Variants in PRDM6 observed in about 807,000 individuals in gnomAD.
PRDM6 encodes the protein putative histone-lysine N-methyltransferase PRDM6.
A neutral mutation model predicts 60.8 loss-of-function variants in PRDM6; 25 were observed. The ratio of observed to expected loss-of-function variants is 0.41; its 90% confidence interval spans 0.30 to 0.57. The LOEUF (loss-of-function observed/expected upper bound fraction) is 0.57. PRDM6 is among the 20% of genes least tolerant of loss of function. PRDM6 has a pLI of 0.27. For missense variants in PRDM6, 839 were observed against 821.3 expected (o/e 1.02, Z -0.26); for synonymous variants, 407 against 357.4 (o/e 1.14, Z -1.57).
intron 3 of PRDM6, among the ~76,000 whole-genome samples, chr5:123,144,304 T>G (rs1488598979): frequency 6.6e-6 from 1 of 152,246 alleles, no homozygotes; most frequent in African/African-American, 2.4e-5. Context: ...TCCCCCATAG[T>G]GGATGACTTC....
At chr5:123,155,809 A>AGACACCAATAAATTTCTGCAGCT in intron 3 of PRDM6, 75 bp from the exon 4 acceptor site, 1 of 1,497,266 alleles carries the variant, frequency 6.7e-7, no homozygotes, top group Non-Finnish European at 8.9e-7. Context: ...TGACACATAA[A>AGACACCAATAAATTTCTGCAGCT]GACACCAAGG....
At chr5:123,172,856 T>C (rs895760717) in intron 6 of PRDM6, among the ~76,000 whole-genome samples, 1 of 152,216 alleles carries the variant, frequency 6.6e-6, no homozygotes, top group Non-Finnish European at 1.5e-5. Flanking sequence ...AGGTAGATAC[T>C]GAAACAGACT....
chr5:123,139,217 A>G (rs1765043245), intron 3 of PRDM6, among the ~76,000 whole-genome samples: 1 of 152,216 alleles, frequency 6.6e-6, no homozygotes, highest in Non-Finnish European at 1.5e-5. Flanking sequence ...GCAGCGTGAA[A>G]ACAGACTAAT....
In PRDM6 at chr5:123,121,984, A is replaced by C. The variant is rs1439249358; in HGVS notation, c.900+22023A>C. Among the ~76,000 whole-genome samples, 4 of 151,494 alleles carry C rather than the reference A, an allele frequency of 2.6e-5. 1 individual carries two copies. Among genetic ancestry groups the C allele is most frequent in the African/African-American group, 9.7e-5 (4 of 41,332 alleles). ...CGAGACCAGCCTGGCCAACACAGGGAGACCCCGTCTCTACTAAAAATAGGA... is the reference window on the plus strand; with the variant it reads ...CGAGACCAGCCTGGCCAACACAGGGCGACCCCGTCTCTACTAAAAATAGGA... On this transcript the variant is annotated intron_variant, in intron 3 of 7. Coordinates refer to ENST00000407847, the MANE Select transcript of PRDM6 (RefSeq NM_001136239.4).
rs986884448 is a variant in PRDM6, at chr5:123,191,939, T to C, written c.*4738T>C. ...CTGTGTTTGACATTTAAAATATTTATTTAGTTTCTTCCTTTAAATAATAAA... is the reference window on the plus strand; with the variant it reads ...CTGTGTTTGACATTTAAAATATTTACTTAGTTTCTTCCTTTAAATAATAAA... On this transcript the variant is annotated 3_prime_UTR_variant, in exon 8 of 8. Coordinates refer to ENST00000407847, the MANE Select transcript of PRDM6 (RefSeq NM_001136239.4). 4 of 152,238 alleles carry C rather than the reference T, an allele frequency of 2.6e-5. No homozygotes were observed. The highest frequency in any genetic ancestry group is 5.9e-5 in the Non-Finnish European group (4 of 68,038). 9.4% of individuals were successfully genotyped at this position (152,238 alleles called of 1,614,324 possible). A position where few individuals can be genotyped will look rare whatever the true frequency, so the allele number is the denominator to read the frequency against.
Position 123,099,694 on chromosome 5 carries a change from T to C in PRDM6, c.633T>C (p.Pro211=). The C allele has an allele frequency of 4.6e-6, 7 of 1,507,150 alleles. No homozygotes were observed. Among genetic ancestry groups the C allele is most frequent in the Non-Finnish European group, 6.2e-6 (7 of 1,127,508 alleles). 93.4% of individuals were successfully genotyped at this position (1,507,150 alleles called of 1,614,324 possible). A position where few individuals can be genotyped will look rare whatever the true frequency, so the allele number is the denominator to read the frequency against. ...MCADNRNGEC[P]MHGPLHSLRR... ...CGGACAACCGCAACGGCGAGTGCCC[T>C]ATGCATGGGCCACTGCACTCGCTGC... is the stretch of plus-strand genomic sequence containing the variant. The change falls in exon 3 of 8, where the codon CCT becomes CCC. Residue 211 remains proline (P), a synonymous_variant. Coordinates refer to ENST00000407847, the MANE Select transcript of PRDM6 (RefSeq NM_001136239.4). The surrounding 1 kb of genome is among the most constrained non-coding windows in gnomAD (Gnocchi z 4.0).
chr5:123,159,163 G>T (rs1253122646), intron 4 of PRDM6, among the ~76,000 whole-genome samples: 1 of 152,134 alleles, frequency 6.6e-6, no homozygotes, highest in African/African-American at 2.4e-5. Flanking sequence ...TATATATGAG[G>T]TTGGGGCACC....
intron 3 of PRDM6, among the ~76,000 whole-genome samples, chr5:123,148,881 C>T (rs1765310124): frequency 6.6e-6 from 1 of 152,156 alleles, no homozygotes; most frequent in Admixed American, 6.6e-5. Flanking sequence ...AAAGCAATAA[C>T]ATGGTGGCCT....
chr5:123,109,187 A>C (rs1764255292), intron 3 of PRDM6, among the ~76,000 whole-genome samples: 1 of 62,126 alleles, frequency 1.6e-5, no homozygotes, highest in Non-Finnish European at 3.7e-5. Flanking sequence ...TTATACATGA[A>C]AGTGTTAACA....
At chr5:123,172,357 A>G (rs1159422559) in intron 6 of PRDM6, among the ~76,000 whole-genome samples, 1 of 152,198 alleles carries the variant, frequency 6.6e-6, no homozygotes, top group East Asian at 1.9e-4. Context: ...TAGCTAATTA[A>G]TGTTGAAACA....
chr5:123,130,151 C>A (rs186774761), intron 3 of PRDM6, among the ~76,000 whole-genome samples: 1,964 of 20,552 alleles, frequency 0.096, 47 homozygotes, highest in East Asian at 0.27. Context: ...TCTCCCCTTC[C>A]CTCCCCTCCC....
At chr5:123,153,689 A>C (rs148715076) in intron 3 of PRDM6, among the ~76,000 whole-genome samples, 2 of 152,186 alleles carry the variant, frequency 1.3e-5, no homozygotes, top group Non-Finnish European at 2.9e-5. Flanking sequence ...TGTAGTCACG[A>C]TATACTTAGT....
chr5:123,124,901 G>GA (rs200276632), intron 3 of PRDM6, among the ~76,000 whole-genome samples: 2 of 149,676 alleles, frequency 1.3e-5, no homozygotes, highest in Middle Eastern at 3.2e-3. Context: ...TTTTCTAAAA[G>GA]AAAAAAAAAG....
In PRDM6 at chr5:123,099,998, AGGAGCCTTGGCCAGCAG is replaced by A. The variant is rs749269971; in HGVS notation, c.900+50_900+66del. On this transcript the variant is annotated intron_variant, in intron 3 of 7. Transcript: ENST00000407847. The surrounding 1 kb of genome is among the most constrained non-coding windows in gnomAD (Gnocchi z 4.0). Reference sequence around the variant, plus strand: ...GCTGCACAGCGCCTCCCCACCGAGCAGGAGCCTTGGCCAGCAGGGAGCCTTGGCCGGCAGGGAGCCTG... The same window carrying A: ...GCTGCACAGCGCCTCCCCACCGAGCAGGAGCCTTGGCCGGCAGGGAGCCTG... The A allele has an allele frequency of 7.9e-5, 116 of 1,463,992 alleles. 1 individual carries two copies. The highest frequency in any genetic ancestry group is 1.8e-4 in the Middle Eastern group (1 of 5,506). 90.7% of individuals were successfully genotyped at this position (1,463,992 alleles called of 1,614,324 possible).
chr5:123,160,110 T>C (rs1765593722), intron 5 of PRDM6, among the ~76,000 whole-genome samples: 1 of 152,272 alleles, frequency 6.6e-6, no homozygotes, highest in African/African-American at 2.4e-5. Flanking sequence ...TGCTTCCTCC[T>C]ACATAGTCAT....
chr5:123,169,544 A>G (rs1394544512), intron 5 of PRDM6, among the ~76,000 whole-genome samples: 1 of 152,208 alleles, frequency 6.6e-6, no homozygotes, highest in African/African-American at 2.4e-5. Flanking sequence ...GACTTTAAAG[A>G]TGAGGATGCT....
At chr5:123,113,213 G>A (rs1440941596) in intron 3 of PRDM6, among the ~76,000 whole-genome samples, 2 of 152,048 alleles carry the variant, frequency 1.3e-5, no homozygotes, top group Non-Finnish European at 2.9e-5. Context: ...TTACATTATG[G>A]TTCACCCTGG....
chr5:123,189,099 T>G lies in PRDM6; in HGVS notation c.*1898T>G, dbSNP rs1232195866. ...ATGCTGCTGTATAACAGTAGCTGAT[T>G]GAAACTATTCTCTCTGGTAGTTAGG... On this transcript the variant is annotated 3_prime_UTR_variant, in exon 8 of 8. Transcript: ENST00000407847. 1 of 152,224 alleles carries G rather than the reference T, an allele frequency of 6.6e-6. No individual in the cohort carries two copies. The highest frequency in any genetic ancestry group is 1.9e-4 in the East Asian group (1 of 5,200). 9.4% of individuals were successfully genotyped at this position (152,224 alleles called of 1,614,324 possible).
chr5:123,175,910 C>G (rs1349501018), intron 6 of PRDM6, among the ~76,000 whole-genome samples: 4 of 152,250 alleles, frequency 2.6e-5, no homozygotes, highest in African/African-American at 7.2e-5. Flanking sequence ...TGCCAGTGAC[C>G]AGGAGTGCCA....
Sources: gnomAD v4.1 joint callset for allele counts (sites outside exome capture counted in the v4.1 genomes callset) on GRCh38, gnomAD v4.1.1 for gene constraint, Gnocchi (gnomAD v3.1) non-coding constraint, MANE v1.5 for transcripts, NCBI Gene and HGNC (gene_info 2026-07-23, HGNC 2026-07-21) for gene names.